ZNF385D: variants seen among roughly 807,000 people sequenced by gnomAD.
ZNF385D encodes zinc finger protein 385D.
ZNF385D carries 15 observed loss-of-function variants against 35.8 expected under a neutral mutation model. The observed-to-expected ratio is 0.42, with a 90% confidence interval of 0.28 to 0.64. The LOEUF (loss-of-function observed/expected upper bound fraction) is 0.64. Among genes scored for constraint, ZNF385D ranks in the 30% least tolerant of loss-of-function variants. ZNF385D has a pLI of 0.23. For synonymous variants in ZNF385D, 212 were observed against 186.8 expected (o/e 1.13, Z -1.10); for missense variants, 474 against 494.6 (o/e 0.96, Z 0.39).
intron 2 of ZNF385D, among the ~76,000 whole-genome samples, chr3:21,617,727 T>A (rs1278274103): frequency 6.6e-6 from 1 of 152,126 alleles, no homozygotes; most frequent in Non-Finnish European, 1.5e-5. Context: ...TCCTTTGATG[T>A]CTATCAAACT....
At chr3:22,071,447 G>C (rs1452890034) in intron 3 of ZNF385D, among the ~76,000 whole-genome samples, 1 of 152,132 alleles carries the variant, frequency 6.6e-6, no homozygotes, top group Non-Finnish European at 1.5e-5. Context: ...TGATTGAAAA[G>C]AAATTGCTGA....
intron 2 of ZNF385D, among the ~76,000 whole-genome samples, chr3:21,590,559 G>A (rs1033016963): frequency 1.3e-5 from 2 of 151,572 alleles, no homozygotes; most frequent in Non-Finnish European, 2.9e-5. Context: ...CATAAAAAAT[G>A]AATTACATTG....
intron 4 of ZNF385D, among the ~76,000 whole-genome samples, chr3:21,482,213 C>A (rs1242956611): frequency 6.6e-6 from 1 of 152,034 alleles, no homozygotes; most frequent in East Asian, 1.9e-4. Flanking sequence ...ATGGTTGACT[C>A]CTACTAAGGG....
chr3:22,371,959 A>C (rs1696927492), intron 2 of ZNF385D, among the ~76,000 whole-genome samples: 1 of 152,062 alleles, frequency 6.6e-6, no homozygotes, highest in Non-Finnish European at 1.5e-5. Flanking sequence ...AATGAAAAGG[A>C]AGCAGGAAGC....
At chr3:21,809,273 A>T (rs374449848) in intron 3 of ZNF385D, among the ~76,000 whole-genome samples, 1 of 152,158 alleles carries the variant, frequency 6.6e-6, no homozygotes, top group Non-Finnish European at 1.5e-5. Context: ...ATAGAAACTA[A>T]GGAGCTTTCA....
intron 3 of ZNF385D, among the ~76,000 whole-genome samples, chr3:21,999,747 T>A: frequency 6.8e-6 from 1 of 146,554 alleles, no homozygotes; most frequent in Non-Finnish European, 1.5e-5. Context: ...TGAAAGTAGT[T>A]CTTGTAAAAT....
intron 3 of ZNF385D, among the ~76,000 whole-genome samples, chr3:21,969,225 T>G (rs534692978): frequency 6.6e-6 from 1 of 152,168 alleles, no homozygotes; most frequent in Non-Finnish European, 1.5e-5. Context: ...AGATACCTGA[T>G]ATGTTTAGGC....
intron 4 of ZNF385D, chr3:21,459,452 G>A (rs1703031384): frequency 6.6e-6 from 1 of 151,960 alleles, no homozygotes; most frequent in South Asian, 2.1e-4. Flanking sequence ...ATTTATCTCT[G>A]TTTCAAGGAA....
intron 3 of ZNF385D, among the ~76,000 whole-genome samples, chr3:21,772,384 C>T (rs936939433): frequency 1.3e-5 from 2 of 151,416 alleles, no homozygotes; most frequent in South Asian, 2.1e-4. Context: ...TTAACAACAA[C>T]AACAAAAAAA....
chr3:21,640,460 C>T (rs958712308), intron 2 of ZNF385D, among the ~76,000 whole-genome samples: 26 of 152,144 alleles, frequency 1.7e-4, no homozygotes, highest in Admixed American at 1.3e-4. Context: ...CCCTAACTTC[C>T]AGTGTTATGG....
intron 2 of ZNF385D, among the ~76,000 whole-genome samples, chr3:22,340,851 G>A (rs1321574619): frequency 2.0e-5 from 3 of 152,174 alleles, no homozygotes; most frequent in Non-Finnish European, 4.4e-5. Flanking sequence ...GCCAGGGCAG[G>A]AGCCATGTCA....
At chr3:22,368,796 C>T (rs988972537) in intron 2 of ZNF385D, among the ~76,000 whole-genome samples, 1 of 152,160 alleles carries the variant, frequency 6.6e-6, no homozygotes, top group Non-Finnish European at 1.5e-5. Context: ...GGCTAGGGCT[C>T]CACAATATCA....
At chr3:22,248,203 G>T (rs927696434) in intron 2 of ZNF385D, among the ~76,000 whole-genome samples, 2 of 152,062 alleles carry the variant, frequency 1.3e-5, no homozygotes, top group African/African-American at 4.8e-5. Flanking sequence ...ACTTTGCTAA[G>T]GGGAAAGAAA....
chr3:21,828,117 C>T (rs1451883134), intron 3 of ZNF385D, among the ~76,000 whole-genome samples: 6 of 152,164 alleles, frequency 3.9e-5, no homozygotes, highest in Admixed American at 3.3e-4. Flanking sequence ...CATGAATTAA[C>T]AAAATGTATT....
chr3:22,174,973 GA>G (rs1694719252), intron 2 of ZNF385D, among the ~76,000 whole-genome samples: 1 of 151,926 alleles, frequency 6.6e-6, no homozygotes, highest in South Asian at 2.1e-4. Context: ...AACTTATTCT[GA>G]AAAGAAGAAT....
intron 3 of ZNF385D, among the ~76,000 whole-genome samples, chr3:22,083,880 T>A (rs1311921802): frequency 6.6e-6 from 1 of 152,162 alleles, no homozygotes; most frequent in Non-Finnish European, 1.5e-5. Context: ...TAACAGCTGA[T>A]CTCTCAGCAG....
intron 3 of ZNF385D, among the ~76,000 whole-genome samples, chr3:21,940,214 A>C (rs989209278): frequency 1.3e-5 from 2 of 152,074 alleles, no homozygotes; most frequent in East Asian, 3.9e-4. Context: ...ATATGAAAAA[A>C]ATTTTAAGTG....
chr3:22,249,656 G>A (rs1178977577), intron 2 of ZNF385D, among the ~76,000 whole-genome samples: 1 of 152,172 alleles, frequency 6.6e-6, no homozygotes, highest in Non-Finnish European at 1.5e-5. Context: ...TTATAGATAA[G>A]TCCACAGATA....
At chr3:21,983,055 T>A (rs1694579644) in intron 3 of ZNF385D, among the ~76,000 whole-genome samples, 1 of 151,954 alleles carries the variant, frequency 6.6e-6, no homozygotes, top group Non-Finnish European at 1.5e-5. Context: ...AGTTTTCTTT[T>A]TTTGTTGTGT....
Sources: allele counts gnomAD v4.1 joint callset (sites outside exome capture counted in the v4.1 genomes callset), GRCh38; gene constraint gnomAD v4.1.1; transcripts MANE v1.5; gene names NCBI Gene and HGNC (gene_info 2026-07-23, HGNC 2026-07-21).